The following PPFIBP1 variants were observed in gnomAD, a reference collection of about 807,000 sequenced individuals.
The protein encoded by PPFIBP1 is liprin-beta-1.
In PPFIBP1, 112 loss-of-function variants were observed where a neutral mutation model predicts 137.8. The ratio of observed to expected loss-of-function variants is 0.81; its 90% CI spans 0.70 to 0.95. The LOEUF (loss-of-function observed/expected upper bound fraction) is 0.95. Ranked by LOEUF, PPFIBP1 falls within the 40% of genes least tolerant of loss-of-function variation. The pLI is 0.00. For missense variants in PPFIBP1, 1,083 were observed against 1,196.6 expected, an observed-to-expected ratio of 0.91 and a Z score of 1.40; for synonymous variants, 378 against 417.3, an observed-to-expected ratio of 0.91 and a Z score of 1.15.
intron 2 of PPFIBP1, among the ~76,000 whole-genome samples, chr12:27,601,511 T>C (rs1039622036): frequency 3.3e-5 from 5 of 152,208 alleles, no homozygotes; most frequent in African/African-American, 1.2e-4. Flanking sequence ...TGCCAAAGGC[T>C]ACACACTCTG....
chr12:27,543,617 C>T (rs1945894042), intron 1 of PPFIBP1, among the ~76,000 whole-genome samples: 1 of 152,054 alleles, frequency 6.6e-6, no homozygotes, highest in Non-Finnish European at 1.5e-5. Context: ...ATAATTCACG[C>T]CATGTATATG....
At chr12:27,654,970 T>C (rs913039460) in intron 8 of PPFIBP1, among the ~76,000 whole-genome samples, 156 bp downstream of exon 8, 1 of 152,248 alleles carries the variant, frequency 6.6e-6, no homozygotes, top group Non-Finnish European at 1.5e-5. Context: ...ACCTTGAATT[T>C]AAGCACCACT....
At chr12:27,656,986 A>G (rs866439309) in intron 9 of PPFIBP1, 2 of 316,340 alleles carry the variant, frequency 6.3e-6, no homozygotes, top group Non-Finnish European at 1.2e-5. Context: ...GTAAATTCTC[A>G]TCACAAGGAT....
chr12:27,641,884 C>A (rs1229782195), intron 4 of PPFIBP1, among the ~76,000 whole-genome samples: 4 of 152,098 alleles, frequency 2.6e-5, no homozygotes, highest in African/African-American at 2.4e-5. Context: ...TGGCAACCCC[C>A]TTTGGGTCCC....
chr12:27,679,374 A>T, intron 19 of PPFIBP1, 115 bp from the exon 20 acceptor site: 1 of 1,026,404 alleles, frequency 9.7e-7, no homozygotes, highest in South Asian at 1.7e-5. Context: ...GCTCTTTGTA[A>T]GTCACTGATT....
At chr12:27,576,158 C>CAAT in intron 1 of PPFIBP1, among the ~76,000 whole-genome samples, 1 of 151,278 alleles carries the variant, frequency 6.6e-6, no homozygotes. Flanking sequence ...TCCCCCACCG[C>CAAT]TTTTTTTTTC....
intron 2 of PPFIBP1, among the ~76,000 whole-genome samples, chr12:27,617,458 G>A (rs2055884178): frequency 2.0e-5 from 3 of 152,114 alleles, no homozygotes; most frequent in Admixed American, 2.0e-4. Flanking sequence ...GTACATGGTA[G>A]GTAAATGAGA....
chr12:27,599,479 C>A (rs745679378), intron 2 of PPFIBP1: 3 of 455,970 alleles, frequency 6.6e-6, no homozygotes, highest in South Asian at 1.5e-5. Flanking sequence ...TACATAAATG[C>A]GTGAGCCAAT....
intron 2 of PPFIBP1, chr12:27,599,278 A>G (rs2053685154): frequency 1.4e-5 from 4 of 280,234 alleles, no homozygotes; most frequent in Non-Finnish European, 2.2e-5. Flanking sequence ...CATCCTATCC[A>G]TTGAGGCCTG....
chr12:27,573,963 CAA>C (rs2050348547), intron 1 of PPFIBP1, among the ~76,000 whole-genome samples: 4 of 139,530 alleles, frequency 2.9e-5, no homozygotes, highest in African/African-American at 8.2e-5. Flanking sequence ...GCTTGGATGA[CAA>C]AGTGAGACCC....
At chr12:27,541,024 G>T (rs1339706060) in intron 1 of PPFIBP1, among the ~76,000 whole-genome samples, 2 of 152,180 alleles carry the variant, frequency 1.3e-5, no homozygotes, top group Non-Finnish European at 2.9e-5. Context: ...AAATATTTAT[G>T]CAGGCTAATC....
intron 1 of PPFIBP1, 92 bp downstream of exon 1, chr12:27,524,457 G>A (rs945943037): frequency 6.6e-6 from 1 of 151,962 alleles, no homozygotes; most frequent in African/African-American, 2.4e-5. Context: ...CCTCTTCCCC[G>A]GGTCGATTTC....
intron 2 of PPFIBP1, among the ~76,000 whole-genome samples, chr12:27,589,972 T>C (rs1386498210): frequency 1.3e-5 from 2 of 152,240 alleles, no homozygotes; most frequent in Non-Finnish European, 2.9e-5. Context: ...TTGATGGCTA[T>C]GTTCTCTTCT....
intron 2 of PPFIBP1, among the ~76,000 whole-genome samples, chr12:27,611,096 T>C (rs1592837342): frequency 1.3e-5 from 2 of 152,250 alleles, no homozygotes; most frequent in East Asian, 1.9e-4. Flanking sequence ...TTTGTTATGA[T>C]ACTGGAATTG....
chr12:27,620,848 A>G (rs908017263), intron 2 of PPFIBP1, among the ~76,000 whole-genome samples: 13 of 152,334 alleles, frequency 8.5e-5, no homozygotes, highest in African/African-American at 2.9e-4. Context: ...TATTTTTCCC[A>G]TAACACTTAT....
intron 2 of PPFIBP1, among the ~76,000 whole-genome samples, chr12:27,605,796 T>C (rs951872502): frequency 6.6e-5 from 10 of 152,162 alleles, no homozygotes; most frequent in African/African-American, 2.4e-4. Context: ...TTATTGTGTA[T>C]ACAGTATATC....
chr12:27,640,561 ATAT>A (rs1322106682), intron 4 of PPFIBP1, among the ~76,000 whole-genome samples: 1 of 151,878 alleles, frequency 6.6e-6, no homozygotes, highest in East Asian at 1.9e-4. Context: ...GACTAGGGTA[ATAT>A]TATAGTCTAA....
intron 1 of PPFIBP1, among the ~76,000 whole-genome samples, chr12:27,544,267 C>T (rs1311160983): frequency 6.6e-6 from 1 of 152,110 alleles, no homozygotes; most frequent in Non-Finnish European, 1.5e-5. Context: ...GACAAACAAA[C>T]TTGGTACTGA....
chr12:27,677,617 G>A (rs1156865582), intron 19 of PPFIBP1: 1 of 153,186 alleles, frequency 6.5e-6, no homozygotes, highest in African/African-American at 2.4e-5. Flanking sequence ...ATAATATTTA[G>A]TGATGACAGA....
Sources: allele counts gnomAD v4.1 joint callset (sites outside exome capture counted in the v4.1 genomes callset), GRCh38; gene constraint gnomAD v4.1.1; transcripts MANE v1.5; gene names NCBI Gene and HGNC (gene_info 2026-07-23, HGNC 2026-07-21).